The following SMAD1 variants were observed in gnomAD, a reference collection of about 807,000 sequenced individuals.
SMAD1 encodes the protein MAD, mothers against decapentaplegic homolog 1.
In SMAD1, 6 loss-of-function variants were observed where a neutral mutation model predicts 41.6. That is an observed-to-expected ratio of 0.14 (90% confidence interval 0.08 to 0.28). SMAD1 has a LOEUF of 0.28. SMAD1 is among the 10% of genes least tolerant of loss of function. The pLI is 1.00. For synonymous variants in SMAD1, 206 were observed against 203.2 expected (o/e 1.01, Z -0.12); for missense variants, 379 against 582.6 (o/e 0.65, Z 3.60).
chr4:145,534,132 G>A (rs1238288376), intron 2 of SMAD1, among the ~76,000 whole-genome samples: 2 of 152,148 alleles, frequency 1.3e-5, no homozygotes, highest in African/African-American at 4.8e-5. Flanking sequence ...AAGAAGAGAA[G>A]CCTCAGGGAA....
intron 2 of SMAD1, among the ~76,000 whole-genome samples, chr4:145,530,874 C>CT (rs1731281828): frequency 6.6e-6 from 1 of 152,226 alleles, no homozygotes; most frequent in South Asian, 2.1e-4. Flanking sequence ...CAATTAGCAG[C>CT]TGTGTGACCT....
At position 145,558,040 on chromosome 4, in the gene SMAD1, T is replaced by G; in HGVS notation, c.*106T>G. 1 of 732,316 alleles carries G rather than the reference T, an allele frequency of 1.4e-6. No homozygotes were observed. The highest frequency in any genetic ancestry group is 2.0e-6 in the Non-Finnish European group (1 of 491,302). 45.4% of individuals were successfully genotyped at this position (732,316 alleles called of 1,614,324 possible). Reference sequence around the variant, plus strand: ...ACTGACAAAGGAGCCTTGATAATACTTGACCTCTGTGACCAACTGTTGGAT... The same window carrying G: ...ACTGACAAAGGAGCCTTGATAATACGTGACCTCTGTGACCAACTGTTGGAT... On this transcript the variant is annotated 3_prime_UTR_variant, in exon 7 of 7. Transcript: ENST00000302085.
Position 145,547,050 on chromosome 4 carries a change from G to A in SMAD1, c.997+126G>A, listed in dbSNP as rs1377112472. The A allele has an allele frequency of 6.6e-6, 5 of 754,856 alleles. No homozygotes were observed. In the African/African-American group the frequency reaches 8.7e-5, roughly 13 times the overall value. 46.8% of individuals were successfully genotyped at this position (754,856 alleles called of 1,614,324 possible). On this transcript the variant is annotated intron_variant, in intron 5 of 6. Coordinates refer to ENST00000302085, the MANE Select transcript of SMAD1 (RefSeq NM_005900.3). Reference sequence around the variant, plus strand: ...GACCAGGTAATGTTCACTTGCTGCAGTTTGTAAATATTTTTCCAGTTTCTG... The same window carrying A: ...GACCAGGTAATGTTCACTTGCTGCAATTTGTAAATATTTTTCCAGTTTCTG...
At chr4:145,553,751 A>G in intron 5 of SMAD1, 33 bp from the exon 6 acceptor site, 1 of 1,595,638 alleles carries the variant, frequency 6.3e-7, no homozygotes, top group Non-Finnish European at 8.6e-7. Context: ...AAAAATTAAT[A>G]ATAACTAAAT....
chr4:145,522,872 G>A (rs1188061731), intron 2 of SMAD1, among the ~76,000 whole-genome samples: 1 of 151,694 alleles, frequency 6.6e-6, no homozygotes, highest in Non-Finnish European at 1.5e-5. Context: ...TAGAGACGGG[G>A]TTTCTCCATA....
At chr4:145,486,873 A>C (rs1226309095) in intron 1 of SMAD1, among the ~76,000 whole-genome samples, 1 of 152,218 alleles carries the variant, frequency 6.6e-6, no homozygotes, top group Non-Finnish European at 1.5e-5. Context: ...CTTGGCATTA[A>C]GTGCCCTTTT....
intron 3 of SMAD1, among the ~76,000 whole-genome samples, chr4:145,541,308 A>T (rs1055281388): frequency 2.6e-5 from 4 of 152,176 alleles, no homozygotes; most frequent in African/African-American, 4.8e-5. Flanking sequence ...GTTGCAAGGG[A>T]TGGGAGGAGG....
At chr4:145,494,493 G>C (rs535780673) in intron 1 of SMAD1, among the ~76,000 whole-genome samples, 1 of 152,142 alleles carries the variant, frequency 6.6e-6, no homozygotes, top group Non-Finnish European at 1.5e-5. Flanking sequence ...TGAGTTCCTC[G>C]AGGGTATGGC....
At chr4:145,515,134 C>CTGTGTGTGTGTGTGTGTG (rs377610507) in intron 2 of SMAD1, 121 bp downstream of exon 2, 3 of 535,630 alleles carry the variant, frequency 5.6e-6, no homozygotes, top group African/African-American at 4.3e-5. Flanking sequence ...TTTGGGGAAA[C>CTGTGTGTGTGTGTGTGTG]TGTGTGTGTG....
chr4:145,521,752 CTG>C (rs1301907049), intron 2 of SMAD1, among the ~76,000 whole-genome samples: 2 of 152,116 alleles, frequency 1.3e-5, no homozygotes, highest in Admixed American at 6.6e-5. Flanking sequence ...TGTATCTTGA[CTG>C]TATCAATGTC....
chr4:145,510,415 T>A (rs1730015077), intron 1 of SMAD1, among the ~76,000 whole-genome samples: 2 of 152,160 alleles, frequency 1.3e-5, no homozygotes, highest in Admixed American at 1.3e-4. Context: ...CCTCTGTGCC[T>A]TGAGCCACAT....
chr4:145,543,001 T>G (rs1446666870), intron 4 of SMAD1, among the ~76,000 whole-genome samples: 1 of 151,746 alleles, frequency 6.6e-6, no homozygotes, highest in Admixed American at 6.6e-5. Flanking sequence ...TGAGACGGAG[T>G]TTTGCTCTGG....
intron 1 of SMAD1, among the ~76,000 whole-genome samples, chr4:145,511,666 A>C (rs1347458317): frequency 6.6e-6 from 1 of 152,210 alleles, no homozygotes; most frequent in African/African-American, 2.4e-5. Context: ...TTACTGTACT[A>C]ATAGTAAATT....
intron 1 of SMAD1, among the ~76,000 whole-genome samples, chr4:145,502,207 G>A (rs1041996518): frequency 3.3e-5 from 5 of 152,138 alleles, no homozygotes; most frequent in African/African-American, 1.2e-4. Context: ...AGTCTTTACA[G>A]TGTTTGAGTT....
At position 145,488,535 on chromosome 4, in the gene SMAD1, A is replaced by G. The variant is rs939049486; in HGVS notation, c.-177+6497A>G. Among the ~76,000 whole-genome samples, 10 of 150,886 alleles carry G rather than the reference A, an allele frequency of 6.6e-5. 1 individual carries two copies. The South Asian group carries it at 2.1e-3, about 31-fold the overall frequency. ...TTTGTGGTGTGCTTATGCAAAGTAG[A>G]AGTATTCCAGACCTTTATAGCTTTT... On this transcript the variant is annotated intron_variant, in intron 1 of 6. Coordinates refer to ENST00000302085, the MANE Select transcript of SMAD1 (RefSeq NM_005900.3).
intron 1 of SMAD1, among the ~76,000 whole-genome samples, chr4:145,512,264 G>A (rs1020119100): frequency 1.4e-4 from 22 of 152,154 alleles, no homozygotes; most frequent in Admixed American, 3.9e-4. Context: ...GTAGGGCTTC[G>A]TGAATGTATG....
intron 2 of SMAD1, among the ~76,000 whole-genome samples, chr4:145,527,181 G>C (rs1731060036): frequency 6.6e-6 from 1 of 151,782 alleles, no homozygotes; most frequent in Non-Finnish European, 1.5e-5. Context: ...TGCTTTCTGT[G>C]TGCTGGACAC....
intron 1 of SMAD1, among the ~76,000 whole-genome samples, chr4:145,489,336 A>C (rs1728653600): frequency 6.6e-6 from 1 of 152,188 alleles, no homozygotes; most frequent in African/African-American, 2.4e-5. Context: ...GAAGTCACTG[A>C]AAGTGTTTGA....
chr4:145,519,400 C>CT (rs1163244807), intron 2 of SMAD1, among the ~76,000 whole-genome samples: 11 of 67,150 alleles, frequency 1.6e-4, no homozygotes, highest in Admixed American at 2.6e-4. Flanking sequence ...CCAGCTGAAC[C>CT]TTTTTTTTTT....
Sources: gnomAD v4.1 joint callset for allele counts (sites outside exome capture counted in the v4.1 genomes callset) on GRCh38, gnomAD v4.1.1 for gene constraint, MANE v1.5 for transcripts, NCBI Gene and HGNC (gene_info 2026-07-23, HGNC 2026-07-21) for gene names.